PAQR5: variants seen among roughly 807,000 people sequenced by gnomAD.
The protein encoded by PAQR5 is membrane progestin receptor gamma.
Under a neutral mutation model 34.5 loss-of-function variants are expected in PAQR5, and 20 were observed. The ratio of observed to expected loss-of-function variants is 0.58; its 90% CI spans 0.41 to 0.84. The LOEUF is 0.84. PAQR5 is among the 40% of genes least tolerant of loss of function. The pLI is 0.00. For synonymous variants in PAQR5, 131 were observed against 155.6 expected (o/e 0.84, Z 1.18); for missense variants, 378 against 412.7 (o/e 0.92, Z 0.73).
rs142476828 is a variant in PAQR5, at chr15:69,336,389, G to A, written c.-276-952G>A. ...CATTGTCAAGTATGAAATGGTGTTT[G>A]GCTTTCTTTGGGCTATATTTGTGTA... On this transcript the variant is annotated intron_variant, in intron 1 of 8. Coordinates refer to ENST00000395407, the MANE Select transcript of PAQR5 (RefSeq NM_017705.4). Among the ~76,000 whole-genome samples the A allele has an allele frequency of 7.5e-3, 1,147 of 152,192 alleles. 15 individuals carry two copies. Among genetic ancestry groups the A allele is most frequent in the African/African-American group, 0.026 (1,078 of 41,506 alleles).
At chr15:69,300,039 A>C in intron 1 of PAQR5, among the ~76,000 whole-genome samples, 1 of 152,308 alleles carries the variant, frequency 6.6e-6, no homozygotes, top group South Asian at 2.1e-4. Flanking sequence ...GCTTTTCTCC[A>C]CCACTGAGTG....
At chr15:69,309,304 A>T (rs1193853318) in intron 1 of PAQR5, among the ~76,000 whole-genome samples, 2 of 152,212 alleles carry the variant, frequency 1.3e-5, no homozygotes, top group Non-Finnish European at 2.9e-5. Flanking sequence ...GTGGAGGCCC[A>T]TGGAAGAGTG....
In PAQR5 at chr15:69,392,803, G is replaced by C. The variant is rs113893076; in HGVS notation, c.512+3023G>C. 7.4e-3 allele frequency among the ~76,000 whole-genome samples: 1,133 copies of C among 152,254 alleles called. 11 individuals are homozygous for C. The highest frequency in any genetic ancestry group is 0.025 in the African/African-American group (1,029 of 41,534). On this transcript the variant is annotated intron_variant, in intron 6 of 8. Transcript: ENST00000395407. ...GGAGGTAGAACACTTTAGCTGAAGA[G>C]GAGGACATAGCAACCAGCCAGGACA...
intron 1 of PAQR5, among the ~76,000 whole-genome samples, chr15:69,299,383 G>T (rs944164916): frequency 2.0e-5 from 3 of 152,172 alleles, no homozygotes; most frequent in Admixed American, 2.0e-4. Context: ...CGTTTGCGCC[G>T]CTTATCCTTC....
At chr15:69,371,431 CTCA>C (rs2055559339) in intron 3 of PAQR5, among the ~76,000 whole-genome samples, 1 of 152,114 alleles carries the variant, frequency 6.6e-6, no homozygotes, top group African/African-American at 2.4e-5. Flanking sequence ...AGATTACCAT[CTCA>C]TCGTGCTATC....
At position 69,322,775 on chromosome 15, in the gene PAQR5, A is replaced by G. The variant is rs1566998026; in HGVS notation, c.-276-14566A>G. Among the ~76,000 whole-genome samples the G allele has an allele frequency of 5.8e-3, 26 of 4,514 alleles. 3 individuals carry two copies. Among genetic ancestry groups the G allele is most frequent in the African/African-American group, 0.012 (24 of 2,038 alleles). 3.0% of individuals were successfully genotyped at this position (4,514 alleles called of 152,430 possible). A position where few individuals can be genotyped will look rare whatever the true frequency, so the allele number is the denominator to read the frequency against. On this transcript the variant is annotated intron_variant, in intron 1 of 8. Coordinates refer to ENST00000395407, the MANE Select transcript of PAQR5 (RefSeq NM_017705.4). ...AAGAAGAAGAAGAAGAAGAAGAGGG[A>G]GAAGAAGAAGACGAGGAAGAAGAAG...
chr15:69,319,070 G>T (rs1254718654), intron 1 of PAQR5, among the ~76,000 whole-genome samples: 1 of 150,150 alleles, frequency 6.7e-6, no homozygotes, highest in Non-Finnish European at 1.5e-5. Context: ...GGAGGCGGAG[G>T]TTGCAGTGAG....
Position 69,400,041 on chromosome 15 carries a change from T to C in PAQR5, c.677T>C (p.Met226Thr). Residue 226 changes from methionine to threonine, a missense_variant, in exon 8 of 9, where the codon ATG (methionine) becomes ACG (threonine). Transcript: ENST00000395407. ...ATSYHQKHMI[M>T]TLLASFLYSA... ...TCGTACCACCAGAAGCACATGATCATGACCCTCCTGGCCTCTTTCTTGTAC... is the reference window on the plus strand; with the variant it reads ...TCGTACCACCAGAAGCACATGATCACGACCCTCCTGGCCTCTTTCTTGTAC... The C allele has an allele frequency of 6.2e-7, 1 of 1,614,192 alleles. No homozygotes were observed. Among genetic ancestry groups the C allele is most frequent in the Non-Finnish European group, 8.5e-7 (1 of 1,179,986 alleles).
At chr15:69,398,032 T>C (rs2056502544) in intron 7 of PAQR5, among the ~76,000 whole-genome samples, 1 of 152,192 alleles carries the variant, frequency 6.6e-6, no homozygotes, top group Admixed American at 6.5e-5. Context: ...CAATACTTGC[T>C]GTCAGTCCCT....
Position 69,378,458 on chromosome 15 carries a change from A to AAAAAAG in PAQR5, c.52-1424_52-1423insAAAAGA, listed in dbSNP as rs1337532462. On this transcript the variant is annotated intron_variant, in intron 3 of 8. Transcript: ENST00000395407. ...TCTCAAAAAAAAAAAAAAAAAAAAA[A>AAAAAAG]AGAGAGAGAGAGATAGCACAGACTC... Among the ~76,000 whole-genome samples the AAAAAAG allele has an allele frequency of 3.1e-3, 452 of 143,732 alleles. 2 individuals are homozygous for AAAAAAG. The highest frequency in any genetic ancestry group is 0.012 in the African/African-American group (430 of 35,810). 94.3% of individuals were successfully genotyped at this position (143,732 alleles called of 152,430 possible).
chr15:69,395,234 C>G (rs1006372317), intron 6 of PAQR5, among the ~76,000 whole-genome samples: 1 of 152,162 alleles, frequency 6.6e-6, no homozygotes, highest in Non-Finnish European at 1.5e-5. Flanking sequence ...AGTGTGTGCC[C>G]TCTGCTCCAG....
At chr15:69,364,744 T>G (rs1408145373) in intron 3 of PAQR5, among the ~76,000 whole-genome samples, 2 of 151,692 alleles carry the variant, frequency 1.3e-5, no homozygotes, top group African/African-American at 2.4e-5. Context: ...TCATAATTTT[T>G]TTTATTTTTT....
chr15:69,367,533 GC>G (rs2055434424), intron 3 of PAQR5, among the ~76,000 whole-genome samples: 1 of 152,142 alleles, frequency 6.6e-6, no homozygotes, highest in African/African-American at 2.4e-5. Flanking sequence ...TCTCCTGGCT[GC>G]CCCCTCTGCA....
rs1419248217 is a variant in PAQR5 at position 69,400,037 on chromosome 15, A to G, written c.673A>G (p.Ile225Val). 9.3e-6 allele frequency: 15 copies of G among 1,614,166 alleles called. No individual in the cohort carries two copies. The highest frequency in any genetic ancestry group is 1.3e-5 in the African/African-American group (1 of 75,058). Residue 225 changes from isoleucine to valine, a missense_variant, in exon 8 of 9, where the codon ATC becomes GTC. Coordinates refer to ENST00000395407, the MANE Select transcript of PAQR5 (RefSeq NM_017705.4). ...EATSYHQKHM[I>V]MTLLASFLYS... ...CACCTCGTACCACCAGAAGCACATG[A>G]TCATGACCCTCCTGGCCTCTTTCTT...
At chr15:69,319,902 G>A (rs1425555072) in intron 1 of PAQR5, among the ~76,000 whole-genome samples, 3 of 152,126 alleles carry the variant, frequency 2.0e-5, no homozygotes, top group African/African-American at 4.8e-5. Flanking sequence ...ACTCACCCTC[G>A]CCCCACGTCT....
chr15:69,300,637 CTTTCTTTCTTTCT>C (rs1452814527), intron 1 of PAQR5, among the ~76,000 whole-genome samples: 16 of 39,808 alleles, frequency 4.0e-4, no homozygotes, highest in African/African-American at 1.1e-3. Flanking sequence ...TTCTTTCTTT[CTTTCTTTCTTTCT>C]TTTCTTTCTT....
At chr15:69,376,245 G>A (rs868174299) in intron 3 of PAQR5, among the ~76,000 whole-genome samples, 2 of 152,204 alleles carry the variant, frequency 1.3e-5, no homozygotes, top group South Asian at 4.1e-4. Flanking sequence ...GCTTAGAAAT[G>A]AGGCCAAGCT....
chr15:69,328,711 A>G (rs1567001572), intron 1 of PAQR5, among the ~76,000 whole-genome samples: 3 of 152,172 alleles, frequency 2.0e-5, no homozygotes, highest in Non-Finnish European at 4.4e-5. Context: ...ACCCCTCCTT[A>G]GGGCCCTGCC....
chr15:69,330,590 T>A (rs376782186), intron 1 of PAQR5, among the ~76,000 whole-genome samples: 30 of 151,914 alleles, frequency 2.0e-4, no homozygotes, highest in African/African-American at 7.0e-4. Flanking sequence ...TGTGGCCCCC[T>A]CCCAGGAACT....
Sources: gnomAD v4.1 joint callset for allele counts (sites outside exome capture counted in the v4.1 genomes callset) on GRCh38, gnomAD v4.1.1 for gene constraint, MANE v1.5 for transcripts, NCBI Gene and HGNC (gene_info 2026-07-23, HGNC 2026-07-21) for gene names.